The following CCBE1 variants were observed in gnomAD, a reference collection of about 807,000 sequenced individuals.
CCBE1 encodes the protein collagen and calcium binding EGF domains 1.
Under a neutral mutation model 50.0 loss-of-function variants are expected in CCBE1, and 37 were observed. The observed-to-expected ratio is 0.74, with a 90% CI of 0.57 to 0.97. The LOEUF is 0.97. CCBE1 is among the 50% of genes least tolerant of loss of function. CCBE1 has a pLI of 0.00. For synonymous variants in CCBE1, 234 were observed against 203.7 expected (o/e 1.15, Z -1.27); for missense variants, 538 against 523.8 (o/e 1.03, Z -0.26).
At chr18:59,524,768 C>A (rs549778237) in intron 2 of CCBE1, among the ~76,000 whole-genome samples, 5 of 151,422 alleles carry the variant, frequency 3.3e-5, no homozygotes, top group African/African-American at 1.2e-4. Context: ...CTCGATAGGC[C>A]CCAGTATGTG....
At chr18:59,453,955 G>A (rs533360576) in intron 6 of CCBE1, among the ~76,000 whole-genome samples, 1 of 152,222 alleles carries the variant, frequency 6.6e-6, no homozygotes, top group East Asian at 1.9e-4. Flanking sequence ...TATACCGTCA[G>A]GCATTCGGAC....
At chr18:59,613,451 A>G (rs1261358655) in intron 2 of CCBE1, among the ~76,000 whole-genome samples, 1 of 152,242 alleles carries the variant, frequency 6.6e-6, no homozygotes, top group East Asian at 1.9e-4. Flanking sequence ...ATATAGTTCA[A>G]CTTACAAATC....
rs1048826169 is a variant in CCBE1, at chr18:59,622,831, A to AT, written c.212+73797_212+73798insA. Reference sequence around the variant, plus strand: ...AAAAAAGAAAGAAAAAGAAAAAAGAAAAAAAAAAAAGATGCCAGGGTCTGG... The same window carrying AT: ...AAAAAAGAAAGAAAAAGAAAAAAGAATAAAAAAAAAAGATGCCAGGGTCTGG... On this transcript the variant is annotated intron_variant, in intron 2 of 10. Coordinates refer to ENST00000439986, the MANE Select transcript of CCBE1 (RefSeq NM_133459.4). 3.1e-4 allele frequency among the ~76,000 whole-genome samples: 46 copies of AT among 149,876 alleles called. 1 individual carries two copies. Among genetic ancestry groups the AT allele is most frequent in the African/African-American group, 1.0e-3 (42 of 41,012 alleles).
chr18:59,576,606 G>A (rs2053000670), intron 2 of CCBE1, among the ~76,000 whole-genome samples: 1 of 152,172 alleles, frequency 6.6e-6, no homozygotes, highest in Non-Finnish European at 1.5e-5. Context: ...ACAAAATGTG[G>A]AATTAAATTG....
intron 2 of CCBE1, among the ~76,000 whole-genome samples, chr18:59,655,826 C>T (rs998893790): frequency 1.3e-4 from 20 of 152,206 alleles, no homozygotes; most frequent in African/African-American, 4.1e-4. Context: ...TTCCAGAGGA[C>T]TTTCACTCCC....
intron 2 of CCBE1, among the ~76,000 whole-genome samples, chr18:59,667,206 C>T (rs1171965322): frequency 2.6e-5 from 4 of 152,106 alleles, no homozygotes; most frequent in Admixed American, 6.5e-5. Context: ...GAGTTCAAGG[C>T]TGCCGTGAGC....
At chr18:59,559,018 C>T (rs1307732029) in intron 2 of CCBE1, among the ~76,000 whole-genome samples, 1 of 152,112 alleles carries the variant, frequency 6.6e-6, no homozygotes, top group East Asian at 1.9e-4. Flanking sequence ...CGGGATCTGA[C>T]AATTGGTGAT....
chr18:59,620,706 C>A (rs191966935), intron 2 of CCBE1, among the ~76,000 whole-genome samples: 3 of 152,314 alleles, frequency 2.0e-5, no homozygotes, highest in African/African-American at 7.2e-5. Context: ...CCTGCACAAG[C>A]TCTCCTGCCT....
chr18:59,566,726 C>A (rs2052834759), intron 2 of CCBE1, among the ~76,000 whole-genome samples: 1 of 152,170 alleles, frequency 6.6e-6, no homozygotes, highest in Non-Finnish European at 1.5e-5. Context: ...CTACCACTGA[C>A]AGTGCAGCTG....
intron 2 of CCBE1, among the ~76,000 whole-genome samples, chr18:59,690,099 G>A (rs2054709252): frequency 6.6e-6 from 1 of 152,100 alleles, no homozygotes; most frequent in Non-Finnish European, 1.5e-5. Flanking sequence ...ATTCCTTGAG[G>A]ACAGAGGATT....
intron 2 of CCBE1, among the ~76,000 whole-genome samples, chr18:59,525,815 G>A (rs2144338569): frequency 6.6e-6 from 1 of 151,466 alleles, no homozygotes; most frequent in Admixed American, 6.6e-5. Context: ...CATATGACTA[G>A]CCAGTTCTCT....
chr18:59,653,982 G>T (rs1195241882), intron 2 of CCBE1, among the ~76,000 whole-genome samples: 1 of 152,124 alleles, frequency 6.6e-6, no homozygotes, highest in Non-Finnish European at 1.5e-5. Flanking sequence ...TAGCTAGAAG[G>T]CTTTACACAT....
intron 2 of CCBE1, among the ~76,000 whole-genome samples, chr18:59,588,156 G>T (rs966644046): frequency 1.3e-5 from 2 of 152,170 alleles, no homozygotes; most frequent in Non-Finnish European, 2.9e-5. Flanking sequence ...TTAACTTTTG[G>T]TTTTTGAGGT....
At chr18:59,446,167 T>G (rs1156509993) in intron 7 of CCBE1, among the ~76,000 whole-genome samples, 1 of 152,242 alleles carries the variant, frequency 6.6e-6, no homozygotes, top group Non-Finnish European at 1.5e-5. Context: ...AATCATTCTC[T>G]GCTCCATCAA....
At chr18:59,613,959 TGCCTCCCTGGTCCATGC>T in intron 2 of CCBE1, among the ~76,000 whole-genome samples, 1 of 145,968 alleles carries the variant, frequency 6.9e-6, no homozygotes, top group East Asian at 2.2e-4. Flanking sequence ...ACTGCAACTC[TGCCTCCCTGGTCCATGC>T]GATTCTCGTT....
chr18:59,602,578 TA>T (rs1297284620), intron 2 of CCBE1, among the ~76,000 whole-genome samples: 26 of 152,264 alleles, frequency 1.7e-4, no homozygotes, highest in African/African-American at 5.3e-4. Context: ...AAAAAGGGTA[TA>T]TATATGTATG....
intron 2 of CCBE1, among the ~76,000 whole-genome samples, chr18:59,612,277 A>T (rs1309069680): frequency 2.7e-5 from 4 of 150,934 alleles, no homozygotes; most frequent in Non-Finnish European, 2.9e-5. Context: ...CATGTACCCT[A>T]AAACTTAAAG....
chr18:59,640,632 G>T (rs185331697), intron 2 of CCBE1, among the ~76,000 whole-genome samples: 1 of 152,202 alleles, frequency 6.6e-6, no homozygotes. Flanking sequence ...TGACACATGG[G>T]ATCTAATTAA....
chr18:59,638,101 G>C (rs537909457), intron 2 of CCBE1, among the ~76,000 whole-genome samples: 1 of 152,268 alleles, frequency 6.6e-6, no homozygotes, highest in East Asian at 1.9e-4. Flanking sequence ...CCATGTACAA[G>C]AAAAGTAAGG....
Sources: allele counts gnomAD v4.1 joint callset (sites outside exome capture counted in the v4.1 genomes callset), GRCh38; gene constraint gnomAD v4.1.1; transcripts MANE v1.5; gene names NCBI Gene and HGNC (gene_info 2026-07-23, HGNC 2026-07-21).